NECAB1: variants seen among roughly 807,000 people sequenced by gnomAD.
NECAB1 encodes the protein N-terminal EF-hand calcium binding protein 1.
A neutral mutation model predicts 57.5 loss-of-function variants in NECAB1; 29 were observed. The observed-to-expected ratio is 0.50, with a 90% CI of 0.38 to 0.69. The LOEUF (loss-of-function observed/expected upper bound fraction) is 0.69, where lower values mean the gene tolerates loss of function less well. Among genes scored for constraint, NECAB1 ranks in the 30% least tolerant of loss-of-function variants. The probability of loss-of-function intolerance (pLI) is 0.00; values close to 1 mark genes in which losing one functional copy is unlikely to be tolerated. For synonymous variants in NECAB1, 142 were observed against 147.7 expected, an observed-to-expected ratio of 0.96 and a Z score of 0.28; for missense variants, 372 against 413.8, an observed-to-expected ratio of 0.90 and a Z score of 0.88.
At chr8:90,911,278 A>G (rs1809823507) in intron 5 of NECAB1, among the ~76,000 whole-genome samples, 1 of 152,134 alleles carries the variant, frequency 6.6e-6, no homozygotes, top group Non-Finnish European at 1.5e-5. Flanking sequence ...AAAGAGGAGT[A>G]AAATCAAAGA....
chr8:90,834,687 A>G (rs1812342371), intron 3 of NECAB1, among the ~76,000 whole-genome samples: 1 of 152,222 alleles, frequency 6.6e-6, no homozygotes, highest in Admixed American at 6.5e-5. Context: ...TAAACAGTAC[A>G]TAATTATTGT....
At chr8:90,802,201 C>T (rs1811768384) in intron 2 of NECAB1, among the ~76,000 whole-genome samples, 1 of 152,220 alleles carries the variant, frequency 6.6e-6, no homozygotes, top group Admixed American at 6.5e-5. Context: ...TGCCTGGAAA[C>T]CTGCATTGCT....
At chr8:90,822,131 A>G (rs886494082) in intron 2 of NECAB1, among the ~76,000 whole-genome samples, 8 of 151,902 alleles carry the variant, frequency 5.3e-5, no homozygotes, top group Non-Finnish European at 1.2e-4. Context: ...AGGAAATCAG[A>G]CCTCACAAGA....
At chr8:90,879,169 C>A (rs1325833892) in intron 4 of NECAB1, among the ~76,000 whole-genome samples, 2 of 141,360 alleles carry the variant, frequency 1.4e-5, no homozygotes, top group African/African-American at 5.2e-5. Flanking sequence ...GCTTTTTTAG[C>A]AACAATTTTT....
chr8:90,828,940 T>C (rs1812264713), intron 3 of NECAB1, among the ~76,000 whole-genome samples: 1 of 152,038 alleles, frequency 6.6e-6, no homozygotes, highest in South Asian at 2.1e-4. Context: ...GGATATCATG[T>C]CCACCTTATA....
At chr8:90,901,413 T>A (rs2130023169) in intron 5 of NECAB1, among the ~76,000 whole-genome samples, 1 of 152,312 alleles carries the variant, frequency 6.6e-6, no homozygotes, top group Admixed American at 6.5e-5. Context: ...CCTTGTAGCC[T>A]CATGAGACTA....
chr8:90,801,891 CAGA>C (rs1301727937), intron 2 of NECAB1, among the ~76,000 whole-genome samples, 176 bp downstream of exon 2: 2 of 152,254 alleles, frequency 1.3e-5, no homozygotes, highest in East Asian at 3.9e-4. Flanking sequence ...AAGAAGTTGG[CAGA>C]AGGATTTACA....
chr8:90,818,178 TCA>T (rs1021888973), intron 2 of NECAB1, among the ~76,000 whole-genome samples: 1 of 151,928 alleles, frequency 6.6e-6, no homozygotes, highest in African/African-American at 2.4e-5. Flanking sequence ...GTGTTTTCTC[TCA>T]CTTTTCTTGC....
intron 2 of NECAB1, among the ~76,000 whole-genome samples, chr8:90,807,056 ATATAAT>A (rs758595231): frequency 1.6e-4 from 24 of 152,148 alleles, no homozygotes; most frequent in East Asian, 3.9e-4. Flanking sequence ...AAATATACAA[ATATAAT>A]TATAGTTAGA....
At position 90,873,938 on chromosome 8, in the gene NECAB1, TC is replaced by T. The variant is rs1205674122; in HGVS notation, c.259+1790del. Among the ~76,000 whole-genome samples the T allele has an allele frequency of 2.6e-5, 4 of 152,350 alleles. No individual in the cohort carries two copies. In the East Asian group the frequency reaches 7.7e-4, roughly 29 times the overall value. On this transcript the variant is annotated intron_variant, in intron 4 of 12. Coordinates refer to ENST00000417640, the MANE Select transcript of NECAB1 (RefSeq NM_022351.5). ...ATGGAAAAAGCTTTGGCTATGATTT[TC>T]CCCCTATAGCTTTAGTTAGGGAACT...
chr8:90,911,428 G>A (rs1809827738), intron 5 of NECAB1, among the ~76,000 whole-genome samples: 1 of 152,068 alleles, frequency 6.6e-6, no homozygotes, highest in Admixed American at 6.6e-5. Context: ...TATAAATTGT[G>A]TCTAATTTAC....
At chr8:90,834,105 G>C (rs1812332137) in intron 3 of NECAB1, among the ~76,000 whole-genome samples, 1 of 139,236 alleles carries the variant, frequency 7.2e-6, no homozygotes, top group Non-Finnish European at 1.5e-5. Flanking sequence ...GGCGGTTGCA[G>C]TGAGCTGAGA....
chr8:90,906,792 T>C (rs1294409924), intron 5 of NECAB1, among the ~76,000 whole-genome samples: 8 of 148,844 alleles, frequency 5.4e-5, no homozygotes, highest in Admixed American at 3.4e-4. Context: ...TTAAGTAGTC[T>C]GTATAGTCAT....
chr8:90,867,544 T>G (rs1296399675), intron 3 of NECAB1, among the ~76,000 whole-genome samples: 1 of 150,960 alleles, frequency 6.6e-6, no homozygotes, highest in African/African-American at 2.5e-5. Context: ...CATCTATCTA[T>G]TCATTTCTAT....
At chr8:90,792,110 C>T (rs377183291) in intron 1 of NECAB1, 125 bp downstream of exon 1, 3 of 715,588 alleles carry the variant, frequency 4.2e-6, no homozygotes, top group Non-Finnish European at 7.1e-6. Context: ...CGAGAACTAC[C>T]GATGCAAATG....
chr8:90,952,850 T>C (rs970927242), intron 12 of NECAB1, among the ~76,000 whole-genome samples: 1 of 151,664 alleles, frequency 6.6e-6, no homozygotes, highest in Non-Finnish European at 1.5e-5. Context: ...ACAACTTCTG[T>C]AAATATGACT....
In NECAB1 at chr8:90,914,423, A is replaced by C. The variant is rs1809903618; in HGVS notation, c.358-3069A>C. On this transcript the variant is annotated intron_variant, in intron 5 of 12. Coordinates refer to ENST00000417640, the MANE Select transcript of NECAB1 (RefSeq NM_022351.5). ...GTTACAAGCTGAGTCTGGAAGGATA[A>C]GTAGGAATATTAGAAAACAAGGTTT... Among the ~76,000 whole-genome samples, 2 of 152,230 alleles carry C rather than the reference A, an allele frequency of 1.3e-5. 1 individual carries two copies. The highest frequency in any genetic ancestry group is 4.1e-4 in the South Asian group (2 of 4,832).
At chr8:90,892,378 C>T (rs574899499) in intron 5 of NECAB1, among the ~76,000 whole-genome samples, 2 of 152,236 alleles carry the variant, frequency 1.3e-5, no homozygotes, top group South Asian at 4.1e-4. Context: ...TTGATAGCAT[C>T]ATAATTTCCA....
intron 5 of NECAB1, among the ~76,000 whole-genome samples, chr8:90,888,748 A>G (rs932632164): frequency 2.0e-5 from 3 of 152,206 alleles, no homozygotes; most frequent in Non-Finnish European, 2.9e-5. Flanking sequence ...AAAAGCTATT[A>G]TAGGTGCTTC....
Sources: allele counts gnomAD v4.1 joint callset (sites outside exome capture counted in the v4.1 genomes callset), GRCh38; gene constraint gnomAD v4.1.1; transcripts MANE v1.5; gene names NCBI Gene and HGNC (gene_info 2026-07-23, HGNC 2026-07-21).